PSD3: variants seen among roughly 807,000 people sequenced by gnomAD.
The protein encoded by PSD3 is pleckstrin and Sec7 domain containing 3.
In PSD3, 49 loss-of-function variants were observed where a neutral mutation model predicts 105.5. The ratio of observed to expected loss-of-function variants is 0.46; its 90% CI spans 0.37 to 0.59. The LOEUF (loss-of-function observed/expected upper bound fraction) is 0.59. Ranked by LOEUF, PSD3 falls within the 20% of genes least tolerant of loss-of-function variation. PSD3 has a pLI of 0.00. For synonymous variants in PSD3, 557 were observed against 457.8 expected (o/e 1.22, Z -2.77); for missense variants, 1,561 against 1,263.8 (o/e 1.24, Z -3.57).
At chr8:18,712,169 G>C (rs1475849525) in intron 9 of PSD3, among the ~76,000 whole-genome samples, 1 of 152,050 alleles carries the variant, frequency 6.6e-6, no homozygotes, top group Non-Finnish European at 1.5e-5. Flanking sequence ...ACAGCAAAAA[G>C]CTACAAAGAC....
At chr8:19,037,072 T>C (rs895179706) in intron 1 of PSD3, among the ~76,000 whole-genome samples, 2 of 152,208 alleles carry the variant, frequency 1.3e-5, no homozygotes, top group Non-Finnish European at 2.9e-5. Context: ...GCCAAAGGAC[T>C]CTCTTACAGT....
At chr8:19,044,563 T>C (rs1828246923) in intron 1 of PSD3, among the ~76,000 whole-genome samples, 1 of 152,250 alleles carries the variant, frequency 6.6e-6, no homozygotes, top group Non-Finnish European at 1.5e-5. Context: ...TAAATGAATG[T>C]AAAGTATCTT....
At chr8:18,922,399 G>A (rs923646943) in intron 2 of PSD3, among the ~76,000 whole-genome samples, 6 of 152,168 alleles carry the variant, frequency 3.9e-5, no homozygotes, top group African/African-American at 1.4e-4. Flanking sequence ...GCAAGTCTGT[G>A]GAGATTAAAG....
intron 9 of PSD3, among the ~76,000 whole-genome samples, chr8:18,759,715 C>T (rs1806352101): frequency 6.6e-6 from 1 of 152,202 alleles, no homozygotes; most frequent in South Asian, 2.1e-4. Flanking sequence ...GTCTAGATGT[C>T]TCTTCAGAAT....
At chr8:18,562,522 TCTC>T (rs1418227193) in intron 14 of PSD3, among the ~76,000 whole-genome samples, 1 of 152,130 alleles carries the variant, frequency 6.6e-6, no homozygotes, top group Non-Finnish European at 1.5e-5. Context: ...TGCTGCCGGG[TCTC>T]CTCTGCTATA....
intron 1 of PSD3, among the ~76,000 whole-genome samples, chr8:19,028,091 T>C (rs556425359): frequency 1.3e-5 from 2 of 152,196 alleles, no homozygotes; most frequent in Non-Finnish European, 2.9e-5. Flanking sequence ...CATTCTATAT[T>C]GTGGCCAACA....
chr8:19,084,578 C>T (rs1829749797), exon 1 of PSD3: 1 of 365,094 alleles, frequency 2.7e-6, no homozygotes, highest in Non-Finnish European at 5.5e-6. Flanking sequence ...GTAGCCAGCC[C>T]AGTGTCTTGG....
intron 2 of PSD3, among the ~76,000 whole-genome samples, chr8:18,910,039 C>A (rs965468545): frequency 6.6e-6 from 1 of 152,108 alleles, no homozygotes; most frequent in South Asian, 2.1e-4. Flanking sequence ...GACTGCCCCA[C>A]GAAGAGTTCG....
intron 9 of PSD3, among the ~76,000 whole-genome samples, chr8:18,740,548 AT>A (rs2129434376): frequency 6.6e-6 from 1 of 152,262 alleles, no homozygotes; most frequent in South Asian, 2.1e-4. Flanking sequence ...CCTTGGATGA[AT>A]CTCAACTGCT....
intron 1 of PSD3, among the ~76,000 whole-genome samples, chr8:18,941,332 A>G (rs929487136): frequency 6.6e-6 from 1 of 152,148 alleles, no homozygotes; most frequent in Non-Finnish European, 1.5e-5. Flanking sequence ...CTATTGATAA[A>G]AAGTGTTACT....
At chr8:18,796,906 G>A (rs1406909758) in intron 8 of PSD3, among the ~76,000 whole-genome samples, 1 of 152,118 alleles carries the variant, frequency 6.6e-6, no homozygotes, top group Non-Finnish European at 1.5e-5. Flanking sequence ...GTGAAAAGGA[G>A]CAGAACAGTA....
At chr8:18,720,090 G>T (rs777205913) in intron 9 of PSD3, among the ~76,000 whole-genome samples, 18 of 152,070 alleles carry the variant, frequency 1.2e-4, no homozygotes, top group Non-Finnish European at 2.2e-4. Context: ...ACTCATTAGG[G>T]ACTACTGCCA....
intron 10 of PSD3, among the ~76,000 whole-genome samples, chr8:18,651,081 T>C (rs901835241): frequency 2.6e-5 from 4 of 152,320 alleles, no homozygotes; most frequent in Middle Eastern, 3.4e-3. Context: ...CTTAAAAATA[T>C]GAAATAGAAC....
chr8:18,764,645 T>C (rs531809081), intron 9 of PSD3, among the ~76,000 whole-genome samples: 103 of 152,316 alleles, frequency 6.8e-4, no homozygotes, highest in East Asian at 5.8e-4. Flanking sequence ...TTCCATATCA[T>C]ATCATACATT....
chr8:19,015,026 A>G (rs542752794), upstream of PSD3, among the ~76,000 whole-genome samples: 1 of 152,294 alleles, frequency 6.6e-6, no homozygotes, highest in Non-Finnish European at 1.5e-5. Flanking sequence ...TCACTTGGGC[A>G]TTGATATGGT....
At chr8:19,016,401 T>A (rs1827179683), upstream of PSD3, among the ~76,000 whole-genome samples, 1 of 152,224 alleles carries the variant, frequency 6.6e-6, no homozygotes, top group African/African-American at 2.4e-5. Context: ...CATCATGTAT[T>A]ATTCATGCAT....
intron 2 of PSD3, among the ~76,000 whole-genome samples, chr8:18,923,701 T>G (rs1054149814): frequency 5.9e-5 from 9 of 152,346 alleles, no homozygotes; most frequent in East Asian, 5.8e-4. Context: ...CATTTTATGA[T>G]GTTTGCACAA....
chr8:18,697,472 G>A (rs28675757), intron 9 of PSD3, among the ~76,000 whole-genome samples: 2,333 of 152,194 alleles, frequency 0.015, 58 homozygotes, highest in African/African-American at 0.053. Flanking sequence ...ATAGAAAAGT[G>A]TTTCTTTTAT....
chr8:19,050,396 T>C (rs1368200360), intron 1 of PSD3, among the ~76,000 whole-genome samples: 1 of 152,196 alleles, frequency 6.6e-6, no homozygotes, highest in East Asian at 1.9e-4. Context: ...CGTATGTTTA[T>C]TGCAGCACTA....
Sources: gnomAD v4.1 joint callset for allele counts (sites outside exome capture counted in the v4.1 genomes callset) on GRCh38, gnomAD v4.1.1 for gene constraint, MANE v1.5 for transcripts, NCBI Gene and HGNC (gene_info 2026-07-23, HGNC 2026-07-21) for gene names.